UNC79: variants seen among roughly 807,000 people sequenced by gnomAD.
UNC79 encodes unc-79 subunit of NALCN channel complex.
UNC79 carries 37 observed loss-of-function variants against 283.1 expected under a neutral mutation model. That is an observed-to-expected ratio of 0.13 (90% CI 0.10 to 0.17). UNC79 has a LOEUF of 0.17. Among genes scored for constraint, UNC79 ranks in the 10% least tolerant of loss-of-function variants. The pLI, the probability that UNC79 is intolerant of heterozygous loss-of-function variation, is 1.00. For missense variants in UNC79, 2,272 were observed against 3,211.1 expected (o/e 0.71, Z 7.07); for synonymous variants, 1,107 against 1,200.2 (o/e 0.92, Z 1.61).
chr14:93,394,142 A>G (rs1030283636), intron 1 of UNC79, among the ~76,000 whole-genome samples: 6 of 152,164 alleles, frequency 3.9e-5, no homozygotes, highest in African/African-American at 7.2e-5. Flanking sequence ...TGTCTGCGAC[A>G]GCTATTATCC....
At position 93,553,780 on chromosome 14, in the gene UNC79, C is replaced by T. The variant is rs182381194; in HGVS notation, c.1755+11084C>T. Among the ~76,000 whole-genome samples the T allele has an allele frequency of 2.9e-3, 438 of 152,270 alleles. 1 individual carries two copies. Among genetic ancestry groups the T allele is most frequent in the Non-Finnish European group, 4.3e-3 (295 of 68,026 alleles). Reference sequence around the variant, plus strand: ...CACCATTTTAAATGTGATAGTGTTTCCTGTATGGTTTTGATACACCAAATA... The same window carrying T: ...CACCATTTTAAATGTGATAGTGTTTTCTGTATGGTTTTGATACACCAAATA... On this transcript the variant is annotated intron_variant, in intron 14 of 48. Coordinates refer to ENST00000555664, the Ensembl canonical transcript of UNC79.
At chr14:93,692,452 T>C (rs1264776343) in intron 46 of UNC79, among the ~76,000 whole-genome samples, 1 of 152,244 alleles carries the variant, frequency 6.6e-6, no homozygotes, top group Non-Finnish European at 1.5e-5. Flanking sequence ...AAGGGTTGTT[T>C]GATGCTATAA....
intron 1 of UNC79, among the ~76,000 whole-genome samples, chr14:93,411,695 T>G (rs946576960): frequency 6.6e-6 from 1 of 152,106 alleles, no homozygotes; most frequent in African/African-American, 2.4e-5. Context: ...ACAATCAAGG[T>G]GGTACCTGTA....
intron 47 of UNC79, among the ~76,000 whole-genome samples, chr14:93,702,379 T>G (rs2075597398): frequency 6.6e-6 from 1 of 152,218 alleles, no homozygotes; most frequent in African/African-American, 2.4e-5. Flanking sequence ...AGTATTCATG[T>G]TAGAGACCAA....
chr14:93,647,642 A>C (rs989411743), intron 35 of UNC79, among the ~76,000 whole-genome samples: 4 of 152,230 alleles, frequency 2.6e-5, no homozygotes, highest in African/African-American at 9.6e-5. Flanking sequence ...GAGAGGGAAG[A>C]GGCAGTGTGA....
Position 93,621,516 on chromosome 14 carries a change from C to G in UNC79, c.4388-105C>G. 7.6e-7 allele frequency: 1 copy of G among 1,312,382 alleles called. No homozygotes were observed. The highest frequency in any genetic ancestry group is 1.5e-5 in the African/African-American group (1 of 66,618). The allele number at this position is 1,312,382 out of a possible 1,614,324, so 81.3% of individuals were successfully genotyped here. A position where few individuals can be genotyped will look rare whatever the true frequency, so the allele number is the denominator to read the frequency against. On this transcript the variant is annotated intron_variant, in intron 29 of 48. Coordinates refer to ENST00000555664, the Ensembl canonical transcript of UNC79. The surrounding 1 kb of genome is among the most constrained non-coding windows in gnomAD (Gnocchi z 4.8). ...AAGTTCGTTTTCCCTCCTGGTGGAG[C>G]TGGGATTGTGATGATGATTTATGCC...
At chr14:93,462,962 G>C (rs1280339081) in intron 1 of UNC79, among the ~76,000 whole-genome samples, 1 of 152,144 alleles carries the variant, frequency 6.6e-6, no homozygotes, top group African/African-American at 2.4e-5. Flanking sequence ...TTTCAGAGCA[G>C]TTGGCCCCTG....
At chr14:93,533,516 T>G (rs2060924362) in intron 11 of UNC79, among the ~76,000 whole-genome samples, 1 of 152,104 alleles carries the variant, frequency 6.6e-6, no homozygotes, top group South Asian at 2.1e-4. Context: ...CACTCCCATA[T>G]CTGGGGCTAA....
chr14:93,677,688 C>T (rs1457409807), intron 41 of UNC79, among the ~76,000 whole-genome samples: 1 of 152,010 alleles, frequency 6.6e-6, no homozygotes, highest in Non-Finnish European at 1.5e-5. Context: ...CTTGCTCTGT[C>T]ACCCAGGCTG....
chr14:93,560,582 A>G (rs569001221), intron 14 of UNC79, among the ~76,000 whole-genome samples: 62 of 152,200 alleles, frequency 4.1e-4, no homozygotes, highest in Middle Eastern at 3.4e-3. Context: ...ACAAGCAAGG[A>G]TATTAGTGGA....
intron 47 of UNC79, among the ~76,000 whole-genome samples, chr14:93,695,128 C>T (rs111493957): frequency 0.012 from 1,899 of 152,192 alleles, 39 homozygotes; most frequent in Non-Finnish European, 0.019. Flanking sequence ...TCCTTCCTAT[C>T]GTTCCACCTC....
intron 24 of UNC79, among the ~76,000 whole-genome samples, chr14:93,599,748 A>G (rs1596016354): frequency 6.6e-6 from 1 of 152,238 alleles, no homozygotes; most frequent in East Asian, 1.9e-4. Flanking sequence ...TCCAACTTTG[A>G]TTAACATTCT....
chr14:93,375,644 G>A (rs2139975969), intron 1 of UNC79, among the ~76,000 whole-genome samples: 1 of 152,302 alleles, frequency 6.6e-6, no homozygotes, highest in Admixed American at 6.5e-5. Flanking sequence ...CATGGTGGAA[G>A]GCAAAGGGGG....
intron 14 of UNC79, among the ~76,000 whole-genome samples, chr14:93,563,991 G>C (rs1167598831): frequency 6.6e-6 from 1 of 152,208 alleles, no homozygotes; most frequent in Non-Finnish European, 1.5e-5. Context: ...GCCTCTGAAA[G>C]TATTAGGGCA....
Position 93,389,461 on chromosome 14 carries a change from C to A in UNC79, c.-351+55938C>A, listed in dbSNP as rs12587983. ...AGGTGAATCCTACAGTTGTCCAGTT[C>A]CATTTTCCTGGAGGCAATTTTCATA... is the stretch of plus-strand genomic sequence containing the variant. On this transcript the variant is annotated intron_variant, in intron 1 of 49. Coordinates refer to the UNC79 transcript ENST00000256339. 8.7e-3 allele frequency among the ~76,000 whole-genome samples: 1,329 copies of A among 152,192 alleles called. 70 individuals are homozygous for A. In the East Asian group the frequency reaches 0.17, roughly 19 times the overall value.
intron 47 of UNC79, among the ~76,000 whole-genome samples, chr14:93,701,186 G>A (rs535308456): frequency 6.6e-6 from 1 of 152,298 alleles, no homozygotes; most frequent in African/African-American, 2.4e-5. Flanking sequence ...AATACCTGCA[G>A]GACTCACCTG....
At chr14:93,369,063 A>C (rs1488583333) in intron 1 of UNC79, among the ~76,000 whole-genome samples, 1 of 152,218 alleles carries the variant, frequency 6.6e-6, no homozygotes, top group Non-Finnish European at 1.5e-5. Flanking sequence ...CCTAGTCAAC[A>C]ACTGCAAGAG....
chr14:93,679,178 C>T (rs1413783295), intron 41 of UNC79, among the ~76,000 whole-genome samples: 1 of 152,066 alleles, frequency 6.6e-6, no homozygotes, highest in Non-Finnish European at 1.5e-5. Flanking sequence ...AGTAGATATT[C>T]GACCGGGTGT....
intron 26 of UNC79, chr14:93,604,949 G>A (rs2065778860): frequency 2.5e-6 from 4 of 1,578,606 alleles, no homozygotes; most frequent in Admixed American, 1.7e-5. Flanking sequence ...TGGGACACCC[G>A]AACAGACGCC....
Sources: gnomAD v4.1 joint callset for allele counts (sites outside exome capture counted in the v4.1 genomes callset) on GRCh38, gnomAD v4.1.1 for gene constraint, Gnocchi (gnomAD v3.1) non-coding constraint, MANE v1.5 for transcripts, NCBI Gene and HGNC (gene_info 2026-07-23, HGNC 2026-07-21) for gene names.